The following SKI variants were observed in gnomAD, a reference collection of about 807,000 sequenced individuals.
SKI encodes the protein ski oncogene.
A neutral mutation model predicts 59.3 loss-of-function variants in SKI; 23 were observed. The observed-to-expected ratio is 0.39, with a 90% CI of 0.28 to 0.55. The LOEUF (loss-of-function observed/expected upper bound fraction) is 0.55. SKI is among the 20% of genes least tolerant of loss of function. SKI has a pLI of 0.67. For synonymous variants in SKI, 673 were observed against 488.6 expected, an observed-to-expected ratio of 1.38 and a Z score of -4.98; for missense variants, 1,017 against 1,038.9, an observed-to-expected ratio of 0.98 and a Z score of 0.29.
intron 1 of SKI, among the ~76,000 whole-genome samples, chr1:2,302,771 C>T (rs1008028879): frequency 6.6e-6 from 1 of 152,224 alleles, no homozygotes; most frequent in Non-Finnish European, 1.5e-5. Context: ...ACAGCCTCCA[C>T]GTGCCTGTTG....
intron 1 of SKI, among the ~76,000 whole-genome samples, chr1:2,301,606 G>A (rs1029807023): frequency 6.6e-5 from 10 of 152,308 alleles, no homozygotes; most frequent in Middle Eastern, 6.8e-3. Context: ...TGGACAGCCT[G>A]CCCTGCGCCC....
rs1386863040 is a variant in SKI, at chr1:2,304,004, T to G, written c.1376T>G (p.Val459Gly). The change falls in exon 4 of 7, where the codon GTG becomes GGG. Residue 459 changes from valine (V) to glycine (G), a missense_variant. By Grantham distance (109) the Val-to-Gly change is moderately radical. Coordinates refer to ENST00000378536, the MANE Select transcript of SKI (RefSeq NM_003036.4). Reference sequence around the variant, plus strand: ...CAGCCTCGGAAGCGGAAGCTGACTGTGGACACCCCAGGAGCCCCAGAGACG... The same window carrying G: ...CAGCCTCGGAAGCGGAAGCTGACTGGGGACACCCCAGGAGCCCCAGAGACG... The part of the protein sequence containing the change: ...CTQPRKRKLT[V>G]DTPGAPETLA... 6.2e-7 allele frequency: 1 copy of G among 1,612,420 alleles called. No homozygotes were observed. Among genetic ancestry groups the G allele is most frequent in the Non-Finnish European group, 8.5e-7 (1 of 1,179,872 alleles).
Position 2,229,153 on chromosome 1 carries a change from G to C in SKI, c.387G>C (p.Ser129=). ...TGTGTCTGCCGCAGATTCTCAACTC[G>C]GTGCTGCGCGACTTCTCGCTGCAGC... ...KRLCLPQILN[S]VLRDFSLQQI... The change falls in exon 1 of 7, where the codon TCG becomes TCC. Residue 129 remains serine, a synonymous_variant. Transcript: ENST00000378536. The surrounding 1 kb of genome is among the most constrained non-coding windows in gnomAD (Gnocchi z 6.3). 6.2e-7 allele frequency: 1 copy of C among 1,611,822 alleles called. No individual in the cohort carries two copies. The highest frequency in any genetic ancestry group is 1.3e-5 in the African/African-American group (1 of 75,054).
rs184961031 is a variant in SKI, at chr1:2,235,354, G to A, written c.969+5619G>A. Among the ~76,000 whole-genome samples the A allele has an allele frequency of 7.2e-4, 109 of 152,276 alleles. 1 individual carries two copies. Among genetic ancestry groups the A allele is most frequent in the South Asian group, 2.1e-4 (1 of 4,822 alleles). On this transcript the variant is annotated intron_variant, in intron 1 of 6. Coordinates refer to ENST00000378536, the MANE Select transcript of SKI (RefSeq NM_003036.4). ...CCACTGTGCCTGGCCCCTGGAGTGG[G>A]TTCTGCCACGGAAGGCATCCCCGGG...
intron 1 of SKI, among the ~76,000 whole-genome samples, chr1:2,254,859 T>TG (rs528998602): frequency 2.6e-5 from 4 of 152,192 alleles, no homozygotes; most frequent in Non-Finnish European, 5.9e-5. Flanking sequence ...AGGTGAGCTC[T>TG]GGGGGGTTTC....
chr1:2,279,757 C>T (rs914325523), intron 1 of SKI, among the ~76,000 whole-genome samples: 3 of 152,204 alleles, frequency 2.0e-5, no homozygotes, highest in Admixed American at 6.5e-5. Context: ...CTCTGTCGCC[C>T]AGGCTGGAGT....
intron 1 of SKI, among the ~76,000 whole-genome samples, chr1:2,287,854 C>T (rs886445680): frequency 2.0e-5 from 3 of 152,242 alleles, no homozygotes; most frequent in Non-Finnish European, 4.4e-5. Context: ...GACCAGCTTC[C>T]TGCATGGCAC....
At chr1:2,266,297 T>C (rs934596205) in intron 1 of SKI, among the ~76,000 whole-genome samples, 2 of 152,168 alleles carry the variant, frequency 1.3e-5, no homozygotes, top group East Asian at 1.9e-4. Context: ...TGCACATACA[T>C]ACTGTGATCT....
At chr1:2,240,643 C>T in intron 1 of SKI, 1 of 985,468 alleles carries the variant, frequency 1.0e-6, no homozygotes, top group Non-Finnish European at 1.2e-6. Context: ...ACAGCATTAA[C>T]AAGAAAACTT....
intron 1 of SKI, among the ~76,000 whole-genome samples, chr1:2,296,449 C>A (rs1203966876): frequency 2.0e-5 from 3 of 152,146 alleles, no homozygotes; most frequent in African/African-American, 7.2e-5. Flanking sequence ...TTGACGTCTC[C>A]CTGCGGTGTG....
At chr1:2,299,809 TC>T (rs1640379913) in intron 1 of SKI, among the ~76,000 whole-genome samples, 1 of 152,224 alleles carries the variant, frequency 6.6e-6, no homozygotes, top group Non-Finnish European at 1.5e-5. Context: ...TCTTCTCTGT[TC>T]CTGGCACCTT....
chr1:2,286,407 C>A (rs1640040594), intron 1 of SKI, among the ~76,000 whole-genome samples: 1 of 152,090 alleles, frequency 6.6e-6, no homozygotes, highest in Admixed American at 6.6e-5. Context: ...AGGGGAGGAT[C>A]ACTTGAGCAG....
intron 1 of SKI, among the ~76,000 whole-genome samples, chr1:2,287,448 T>C (rs1408393847): frequency 2.6e-5 from 4 of 151,454 alleles, no homozygotes; most frequent in Admixed American, 2.0e-4. Context: ...GCCATTCTCC[T>C]GCCTCAGCCT....
At position 2,267,494 on chromosome 1, in the gene SKI, C is replaced by T. The variant is rs542840531; in HGVS notation, c.970-35484C>T. Among the ~76,000 whole-genome samples the T allele has an allele frequency of 3.3e-5, 5 of 152,336 alleles. No individual in the cohort carries two copies. Among genetic ancestry groups the T allele is most frequent in the East Asian group, 3.9e-4 (2 of 5,174 alleles). ...CCTCTTCCTGCTTCAATATCCCATT[C>T]GTTCCAGAGCCTCCTTTCAGGGTGG... On this transcript the variant is annotated intron_variant, in intron 1 of 6. Coordinates refer to ENST00000378536, the MANE Select transcript of SKI (RefSeq NM_003036.4). This position sits in a 1 kb window ranked among gnomAD's most constrained non-coding sequence, Gnocchi z 4.1.
At chr1:2,298,996 G>C (rs1455044444) in intron 1 of SKI, among the ~76,000 whole-genome samples, 3 of 152,236 alleles carry the variant, frequency 2.0e-5, no homozygotes, top group Non-Finnish European at 4.4e-5. Flanking sequence ...AGCCCTGGGT[G>C]GGTGGATGCC....
rs1376936926 is a variant in SKI, at chr1:2,229,783, G to C, written c.969+48G>C. 1.9e-6 allele frequency: 3 copies of C among 1,549,504 alleles called. No homozygotes were observed. Among genetic ancestry groups the C allele is most frequent in the Non-Finnish European group, 2.6e-6 (3 of 1,146,924 alleles). On this transcript the variant is annotated intron_variant, in intron 1 of 6. Transcript: ENST00000378536. This position sits in a 1 kb window ranked among gnomAD's most constrained non-coding sequence, Gnocchi z 6.3. The stretch of plus-strand genomic sequence containing the variant: ...GCTGGGGAGGATGCGCTTGGGGTGG[G>C]GGCCCCTTCTGGACTACAGGCTCTG...
chr1:2,283,840 A>G (rs979742809), intron 1 of SKI, among the ~76,000 whole-genome samples: 13 of 152,206 alleles, frequency 8.5e-5, no homozygotes, highest in Admixed American at 7.9e-4. Context: ...GCGAGAAAAC[A>G]TCGTGGGCGT....
intron 1 of SKI, among the ~76,000 whole-genome samples, chr1:2,265,676 C>T (rs1383635309): frequency 1.3e-5 from 2 of 151,964 alleles, no homozygotes; most frequent in Admixed American, 1.3e-4. Flanking sequence ...TTTTGTATTC[C>T]TATAAATTGG....
intron 1 of SKI, among the ~76,000 whole-genome samples, chr1:2,231,417 C>A (rs1357798161): frequency 2.0e-5 from 3 of 152,158 alleles, no homozygotes; most frequent in African/African-American, 7.2e-5. Context: ...TCTTCCTGGG[C>A]TTTGCTGGGG....
Sources: gnomAD v4.1 joint callset for allele counts (sites outside exome capture counted in the v4.1 genomes callset) on GRCh38, gnomAD v4.1.1 for gene constraint, Gnocchi (gnomAD v3.1) non-coding constraint, MANE v1.5 for transcripts, NCBI Gene and HGNC (gene_info 2026-07-23, HGNC 2026-07-21) for gene names.